The following AVL9 variants were observed in gnomAD, a reference collection of about 807,000 sequenced individuals.
AVL9 encodes the protein late secretory pathway protein AVL9 homolog.
Under a neutral mutation model 79.2 loss-of-function variants are expected in AVL9, and 49 were observed. The observed-to-expected ratio is 0.62, with a 90% CI of 0.49 to 0.79. The LOEUF (loss-of-function observed/expected upper bound fraction) is 0.79. AVL9 is among the 30% of genes least tolerant of loss of function. The pLI is 0.00. For synonymous variants in AVL9, 299 were observed against 280.6 expected (o/e 1.07, Z -0.65); for missense variants, 682 against 776.8 (o/e 0.88, Z 1.45).
intron 1 of AVL9, among the ~76,000 whole-genome samples, chr7:32,513,034 C>T (rs1474334485): frequency 1.3e-5 from 2 of 152,164 alleles, no homozygotes; most frequent in Non-Finnish European, 2.9e-5. Flanking sequence ...CTACCAACTA[C>T]TTGCTAATCC....
At chr7:32,571,233 A>T (rs1315978868) in intron 11 of AVL9, among the ~76,000 whole-genome samples, 2 of 147,948 alleles carry the variant, frequency 1.4e-5, no homozygotes, top group Non-Finnish European at 3.0e-5. Flanking sequence ...CTGTCTCAAA[A>T]AAAAAAAAAA....
In AVL9 at chr7:32,587,540, A is replaced by G. The variant is rs1304699933; in HGVS notation, c.*3633A>G. 6.6e-6 allele frequency: 1 copy of G among 152,222 alleles called. No homozygotes were observed. The highest frequency in any genetic ancestry group is 1.5e-5 in the Non-Finnish European group (1 of 68,076). The allele number at this position is 152,222 out of a possible 1,614,324, so 9.4% of individuals were successfully genotyped here. On this transcript the variant is annotated 3_prime_UTR_variant, in exon 16 of 16. Transcript: ENST00000318709. The stretch of plus-strand genomic sequence containing the variant: ...CTAACCTGCGTCAGCAGTTGCAGAA[A>G]GTAGCCTGTTAGGACAGCAGCTGCT...
At chr7:32,519,427 CAA>C (rs60258831) in intron 1 of AVL9, among the ~76,000 whole-genome samples, 22 of 124,808 alleles carry the variant, frequency 1.8e-4, no homozygotes, top group Non-Finnish European at 1.9e-4. Flanking sequence ...GACTCTGTCC[CAA>C]AAAAAAAAAA....
chr7:32,508,474 A>G (rs1787511196), intron 1 of AVL9, among the ~76,000 whole-genome samples: 1 of 152,264 alleles, frequency 6.6e-6, no homozygotes, highest in Non-Finnish European at 1.5e-5. Context: ...CAAAGTTTCA[A>G]TATAAAAATT....
At chr7:32,517,910 CA>C (rs1418060982) in intron 1 of AVL9, among the ~76,000 whole-genome samples, 8 of 151,966 alleles carry the variant, frequency 5.3e-5, no homozygotes, top group Non-Finnish European at 1.0e-4. Context: ...TGGCTCACTG[CA>C]ACCTCTACCT....
chr7:32,583,871 C>T lies in AVL9; in HGVS notation c.1911C>T (p.Ser637=), dbSNP rs144252922. Reference sequence around the variant, plus strand: ...TTTCCACTTTCACCACTTCCACCTCCCAAAGTCTCACTGAGCCACCAGATG... The same window carrying T: ...TTTCCACTTTCACCACTTCCACCTCTCAAAGTCTCACTGAGCCACCAGATG... ...SWLSTFTTST[S]QSLTEPPDEK... is the part of the protein sequence containing the mutation. Residue 637 remains serine (S), a synonymous_variant, in exon 16 of 16, where the codon TCC becomes TCT. Transcript: ENST00000318709. The T allele has an allele frequency of 1.7e-4, 273 of 1,614,084 alleles. No individual in the cohort carries two copies. The South Asian group carries it at 2.3e-3, about 14-fold the overall frequency.
At chr7:32,528,198 C>T (rs1309662430) in intron 1 of AVL9, among the ~76,000 whole-genome samples, 1 of 152,146 alleles carries the variant, frequency 6.6e-6, no homozygotes, top group East Asian at 1.9e-4. Flanking sequence ...CCCTACCCCA[C>T]CCACGCCTTC....
chr7:32,564,013 A>G (rs1217781268), intron 10 of AVL9, among the ~76,000 whole-genome samples: 1 of 151,972 alleles, frequency 6.6e-6, no homozygotes, highest in East Asian at 1.9e-4. Flanking sequence ...GACTTCCTAT[A>G]CCTTTCGGAG....
chr7:32,548,144 C>CTCTCTTTTTTTTTTTTT (rs1227025763), intron 3 of AVL9, among the ~76,000 whole-genome samples: 52 of 57,576 alleles, frequency 9.0e-4, no homozygotes, highest in African/African-American at 2.8e-3. Context: ...TTTGTCATCT[C>CTCTCTTTTTTTTTTTTT]TTTTTTCTTT....
chr7:32,559,532 G>T, intron 10 of AVL9, 68 bp downstream of exon 10: 1 of 1,477,082 alleles, frequency 6.8e-7, no homozygotes, highest in South Asian at 1.5e-5. Flanking sequence ...TTTAACTTTT[G>T]AACTTTTGGT....
chr7:32,550,855 C>T (rs942675667), intron 4 of AVL9, among the ~76,000 whole-genome samples: 1 of 152,072 alleles, frequency 6.6e-6, no homozygotes, highest in Non-Finnish European at 1.5e-5. Flanking sequence ...GATTAAATGT[C>T]GCTACAGGCC....
At chr7:32,523,836 C>T (rs536147499) in intron 1 of AVL9, among the ~76,000 whole-genome samples, 30 of 151,168 alleles carry the variant, frequency 2.0e-4, no homozygotes, top group Non-Finnish European at 3.4e-4. Flanking sequence ...TGGGTTCACA[C>T]CATTCTCCTG....
chr7:32,544,166 ACTAT>A (rs1420742646), intron 2 of AVL9, among the ~76,000 whole-genome samples: 2 of 152,220 alleles, frequency 1.3e-5, no homozygotes, highest in South Asian at 2.1e-4. Context: ...TTTTGTCTGT[ACTAT>A]CTATCTGAAA....
intron 1 of AVL9, among the ~76,000 whole-genome samples, chr7:32,527,394 T>A (rs1038878620): frequency 1.3e-5 from 2 of 152,196 alleles, no homozygotes; most frequent in African/African-American, 2.4e-5. Flanking sequence ...ATATGTCTTT[T>A]AAAAATTTTT....
chr7:32,510,924 T>C (rs966119076), intron 1 of AVL9, among the ~76,000 whole-genome samples: 2 of 140,432 alleles, frequency 1.4e-5, no homozygotes, highest in African/African-American at 5.2e-5. Flanking sequence ...AGGGAAGCCA[T>C]CTCTCCAGGG....
intron 8 of AVL9, among the ~76,000 whole-genome samples, chr7:32,557,492 T>A (rs1420502053): frequency 6.6e-6 from 1 of 152,250 alleles, no homozygotes; most frequent in Non-Finnish European, 1.5e-5. Context: ...ACTGGCATTT[T>A]AAAAATAATC....
intron 1 of AVL9, among the ~76,000 whole-genome samples, chr7:32,510,141 G>A (rs1787594700): frequency 6.6e-6 from 1 of 150,754 alleles, no homozygotes; most frequent in South Asian, 2.1e-4. Context: ...GGTGGTGGGA[G>A]TCCACAGTCC....
intron 10 of AVL9, among the ~76,000 whole-genome samples, chr7:32,560,776 C>A (rs1790298432): frequency 6.6e-6 from 1 of 152,260 alleles, no homozygotes; most frequent in Non-Finnish European, 1.5e-5. Context: ...CAGCTATAGC[C>A]TTATGAAATG....
intron 4 of AVL9, among the ~76,000 whole-genome samples, chr7:32,549,247 CAG>C (rs1286513250): frequency 2.7e-5 from 4 of 145,602 alleles, no homozygotes; most frequent in Admixed American, 6.8e-5. Flanking sequence ...TTTTTTGAGA[CAG>C]AGTCTCACTC....
Sources: gnomAD v4.1 joint callset for allele counts (sites outside exome capture counted in the v4.1 genomes callset) on GRCh38, gnomAD v4.1.1 for gene constraint, MANE v1.5 for transcripts, NCBI Gene and HGNC (gene_info 2026-07-23, HGNC 2026-07-21) for gene names.